Variants in GGTA1 observed in about 807,000 individuals in gnomAD.
GGTA1 encodes the protein inactive N-acetyllactosaminide alpha-1,3-galactosyltransferase.
A neutral mutation model predicts 2.6 loss-of-function variants in GGTA1; 5 were observed. The observed-to-expected ratio is 1.92, with a 90% CI of 1.00 to 4.04. The LOEUF is 4.04. Among genes scored for constraint, GGTA1 ranks in the 30% most tolerant of loss-of-function variants. The pLI, the probability that GGTA1 is intolerant of heterozygous loss-of-function variation, is 0.00. For synonymous variants in GGTA1, 17 were observed against 5.0 expected, an observed-to-expected ratio of 3.38 and a Z score of -3.19; for missense variants, 50 against 16.7, an observed-to-expected ratio of 2.99 and a Z score of -3.47.
At chr9:121,490,070 A>G (rs947103600) in intron 1 of GGTA1, among the ~76,000 whole-genome samples, 3 of 152,168 alleles carry the variant, frequency 2.0e-5, no homozygotes, top group South Asian at 2.1e-4. Context: ...AAGAATTTCT[A>G]TGTATCAATG....
chr9:121,448,328 A>C (rs948341851), intron 7 of GGTA1, among the ~76,000 whole-genome samples: 1 of 152,142 alleles, frequency 6.6e-6, no homozygotes, highest in Non-Finnish European at 1.5e-5. Context: ...CTGGGGATGC[A>C]TTAAGCCCAA....
At chr9:121,445,631 A>C (rs1423461897) in exon 8 of GGTA1, 1 of 152,204 alleles carries the variant, frequency 6.6e-6, no homozygotes, top group Non-Finnish European at 1.5e-5. Context: ...TAGAGAAGGG[A>C]ATTGAATGTT....
intron 3 of GGTA1, 23 bp downstream of exon 3, chr9:121,463,270 A>C (rs767365366): frequency 2.2e-6 from 1 of 452,880 alleles, no homozygotes; most frequent in South Asian, 1.6e-5. Flanking sequence ...ATCCCCTAGA[A>C]ATCTAGAATT....
At chr9:121,487,504 A>G (rs1391029582) in intron 1 of GGTA1, among the ~76,000 whole-genome samples, 1 of 136,678 alleles carries the variant, frequency 7.3e-6, no homozygotes, top group African/African-American at 2.7e-5. Context: ...TGAACCCGGG[A>G]GGCAGAGGTT....
intron 2 of GGTA1, among the ~76,000 whole-genome samples, chr9:121,467,317 AACAC>A (rs145567530): frequency 0.016 from 2,403 of 152,040 alleles, 62 homozygotes; most frequent in African/African-American, 0.053. Context: ...TTCAAAGTTA[AACAC>A]ACACACACAC....
rs1278788105 is a variant in GGTA1, at chr9:121,491,263, G to T, written c.-10+8387C>A. Among the ~76,000 whole-genome samples, 25 of 152,178 alleles carry T rather than the reference G, an allele frequency of 1.6e-4. 1 individual carries two copies. The highest frequency in any genetic ancestry group is 1.6e-3 in the Admixed American group (25 of 15,286). On this transcript the variant is annotated intron_variant, in intron 1 of 5. Transcript: ENST00000481799. ...AGAGGACAGCTGGCCTGCCACTTGA[G>T]GACTCATGGTTTCCCTGGGGCAGGA...
chr9:121,491,408 C>G (rs1828865642), intron 1 of GGTA1, among the ~76,000 whole-genome samples: 1 of 152,156 alleles, frequency 6.6e-6, no homozygotes, highest in African/African-American at 2.4e-5. Flanking sequence ...GATTCCAGAA[C>G]AGCTGGAGGA....
intron 1 of GGTA1, among the ~76,000 whole-genome samples, chr9:121,482,152 C>A (rs1828667292): frequency 6.6e-6 from 1 of 151,690 alleles, no homozygotes; most frequent in Non-Finnish European, 1.5e-5. Context: ...AGGAGGGGCT[C>A]AGGGACAATC....
chr9:121,481,415 G>A (rs1828646640), intron 1 of GGTA1, among the ~76,000 whole-genome samples: 1 of 151,468 alleles, frequency 6.6e-6, no homozygotes, highest in Admixed American at 6.6e-5. Context: ...GGCAGGGGGC[G>A]GTGGCTCATG....
chr9:121,479,998 T>C lies in GGTA1; in HGVS notation c.-9-12067A>G, dbSNP rs1828606053. On this transcript the variant is annotated intron_variant, in intron 1 of 5. Coordinates refer to ENST00000481799, the MANE Select transcript of GGTA1 (RefSeq NM_001382585.1). ...CCCACCTCCTGCTCCCAAAATAGAA[T>C]CTTGCAGCTGGAAGGGACCTAGGGG... Among the ~76,000 whole-genome samples, 3 of 152,050 alleles carry C rather than the reference T, an allele frequency of 2.0e-5. No individual in the cohort carries two copies. In the South Asian group the frequency reaches 6.2e-4, roughly 32 times the overall value.
At chr9:121,458,095 A>G (rs908442560) in intron 5 of GGTA1, among the ~76,000 whole-genome samples, 3 of 151,618 alleles carry the variant, frequency 2.0e-5, no homozygotes, top group African/African-American at 7.3e-5. Context: ...TTTGCAGTAG[A>G]GACGGGGTTT....
intron 1 of GGTA1, among the ~76,000 whole-genome samples, chr9:121,492,893 C>T (rs901866593): frequency 1.3e-5 from 2 of 151,852 alleles, no homozygotes; most frequent in Non-Finnish European, 2.9e-5. Flanking sequence ...CCTGTAATCC[C>T]AGCACTTTAG....
chr9:121,493,936 C>G (rs550823288), intron 1 of GGTA1, among the ~76,000 whole-genome samples: 188 of 151,838 alleles, frequency 1.2e-3, no homozygotes, highest in African/African-American at 4.4e-3. Flanking sequence ...TTTGTATTTT[C>G]AGTAGAGACG....
chr9:121,457,033 G>GA (rs2064917177), intron 5 of GGTA1, among the ~76,000 whole-genome samples: 1 of 152,190 alleles, frequency 6.6e-6, no homozygotes, highest in African/African-American at 2.4e-5. Context: ...AGGACACAGA[G>GA]AAAAGCTGAT....
intron 1 of GGTA1, among the ~76,000 whole-genome samples, chr9:121,474,483 T>C (rs1828463289): frequency 1.3e-5 from 2 of 152,160 alleles, no homozygotes; most frequent in African/African-American, 4.8e-5. Context: ...CTCACCCTCC[T>C]CCTTTTCCGC....
At chr9:121,492,454 GTATTT>G (rs1006228834) in intron 1 of GGTA1, among the ~76,000 whole-genome samples, 25 of 152,136 alleles carry the variant, frequency 1.6e-4, no homozygotes, top group South Asian at 6.2e-4. Flanking sequence ...CCGAGTTCAG[GTATTT>G]TATTTTATTT....
exon 8 of GGTA1, chr9:121,446,326 A>G (rs1416212929): frequency 2.0e-5 from 3 of 152,248 alleles, no homozygotes; most frequent in Admixed American, 6.5e-5. Flanking sequence ...ACACACCACC[A>G]TGATATCTAC....
intron 2 of GGTA1, among the ~76,000 whole-genome samples, chr9:121,466,947 C>T (rs544036668): frequency 1.6e-3 from 208 of 133,136 alleles, no homozygotes; most frequent in Non-Finnish European, 1.9e-3. Context: ...GAGAGAGACT[C>T]TGTCTCAAAA....
chr9:121,493,883 A>T (rs1194185710), intron 1 of GGTA1, among the ~76,000 whole-genome samples: 1 of 151,098 alleles, frequency 6.6e-6, no homozygotes, highest in Non-Finnish European at 1.5e-5. Flanking sequence ...CAGCCTCCCA[A>T]GTAGCTGAGA....
Sources: gnomAD v4.1 joint callset for allele counts (sites outside exome capture counted in the v4.1 genomes callset) on GRCh38, gnomAD v4.1.1 for gene constraint, MANE v1.5 for transcripts, NCBI Gene and HGNC (gene_info 2026-07-23, HGNC 2026-07-21) for gene names.